The following NID1 variants were observed in gnomAD, a reference collection of about 807,000 sequenced individuals.
NID1 encodes nidogen-1.
NID1 carries 76 observed loss-of-function variants against 130.6 expected under a neutral mutation model. That is an observed-to-expected ratio of 0.58 (90% CI 0.48 to 0.70). The LOEUF (loss-of-function observed/expected upper bound fraction) is 0.70, where lower values mean the gene tolerates loss of function less well. Among genes scored for constraint, NID1 ranks in the 30% least tolerant of loss-of-function variants. The pLI is 0.00. For synonymous variants in NID1, 665 were observed against 675.1 expected (o/e 0.98, Z 0.23); for missense variants, 1,517 against 1,664.8 (o/e 0.91, Z 1.54).
chr1:236,020,563 G>T (rs998408207), intron 9 of NID1, among the ~76,000 whole-genome samples: 1 of 152,176 alleles, frequency 6.6e-6, no homozygotes, highest in Non-Finnish European at 1.5e-5. Flanking sequence ...TTACTGTGGA[G>T]AGTCACTGTG....
intron 15 of NID1, among the ~76,000 whole-genome samples, chr1:235,981,987 G>T (rs1449041052): frequency 6.6e-6 from 1 of 152,188 alleles, no homozygotes; most frequent in East Asian, 1.9e-4. Context: ...CACTCTGTGG[G>T]TATCCATCAT....
At chr1:236,040,699 T>A (rs1276315090) in intron 4 of NID1, among the ~76,000 whole-genome samples, 1 of 152,036 alleles carries the variant, frequency 6.6e-6, no homozygotes, top group East Asian at 1.9e-4. Context: ...GTCTTGCTCT[T>A]GCCAACCAGG....
rs142319263 is a variant in NID1 at position 235,996,235 on chromosome 1, G to C, written c.2528-2363C>G. 2.7e-3 allele frequency among the ~76,000 whole-genome samples: 408 copies of C among 152,238 alleles called. 14 individuals are homozygous for C. Among genetic ancestry groups the C allele is most frequent in the Admixed American group, 0.022 (341 of 15,282 alleles). ...GGGATGCACACAGGAATAACCCATA[G>C]CACCTGCTGTCAGGGAGCTCACAGT... On this transcript the variant is annotated intron_variant, in intron 12 of 19. Coordinates refer to ENST00000264187, the MANE Select transcript of NID1 (RefSeq NM_002508.3).
At chr1:236,031,105 C>CTTTTCTTT (rs751026919) in intron 6 of NID1, among the ~76,000 whole-genome samples, 13 of 151,956 alleles carry the variant, frequency 8.6e-5, no homozygotes, top group African/African-American at 2.4e-4. Context: ...AGGTTCAATC[C>CTTTTCTTT]TTTTCTTTTT....
chr1:235,976,429 T>C lies in NID1; in HGVS notation c.*1438A>G, dbSNP rs1476383895. On this transcript the variant is annotated 3_prime_UTR_variant, in exon 20 of 20. Transcript: ENST00000264187. The stretch of plus-strand genomic sequence containing the variant: ...GTTTTACTTATTGCTGTTCTTAAAT[T>C]CCTTCCCCTACCACTTCCTCTTGGG... 1.3e-5 allele frequency: 2 copies of C among 152,238 alleles called. No homozygotes were observed. Among genetic ancestry groups the C allele is most frequent in the African/African-American group, 4.8e-5 (2 of 41,460 alleles). 9.4% of individuals were successfully genotyped at this position (152,238 alleles called of 1,614,324 possible). A position where few individuals can be genotyped will look rare whatever the true frequency, so the allele number is the denominator to read the frequency against.
At chr1:236,017,101 T>C (rs775235992) in intron 10 of NID1, 47 bp downstream of exon 10, 2 of 1,612,686 alleles carry the variant, frequency 1.2e-6, no homozygotes. Flanking sequence ...TAAGAGCTAA[T>C]GCACACCATG....
At chr1:236,025,037 G>A (rs949102994) in intron 8 of NID1, among the ~76,000 whole-genome samples, 1 of 150,804 alleles carries the variant, frequency 6.6e-6, no homozygotes, top group African/African-American at 2.4e-5. Flanking sequence ...TGCAACCTCC[G>A]CCTCCCAGGT....
At position 236,024,105 on chromosome 1, in the gene NID1, G is replaced by A; in HGVS notation, c.2093C>T (p.Ser698Phe). 1 of 1,614,226 alleles carries A rather than the reference G, an allele frequency of 6.2e-7. No homozygotes were observed. Among genetic ancestry groups the A allele is most frequent in the Non-Finnish European group, 8.5e-7 (1 of 1,180,040 alleles). The change falls in exon 9 of 20, where the codon TCC (serine) becomes TTC (phenylalanine). Residue 698 changes from serine (S) to phenylalanine (F), a missense_variant. This residue lies in a region of NID1 where 1,329 missense variants were observed against 1,429.2 expected (regional missense o/e 0.93). Coordinates refer to ENST00000264187, the MANE Select transcript of NID1 (RefSeq NM_002508.3). Reference protein sequence around the residue: ...GPRTQFTCECSIGFRGDGRTC... With the variant: ...GPRTQFTCECFIGFRGDGRTC... ...TCGCCCGTCTCCTCGGAAGCCGATGGAGCACTCGCAGGTGAACTGTGTCCT... is the reference window on the plus strand; with the variant it reads ...TCGCCCGTCTCCTCGGAAGCCGATGAAGCACTCGCAGGTGAACTGTGTCCT...
At chr1:235,994,700 C>CCT (rs1657872375) in intron 12 of NID1, among the ~76,000 whole-genome samples, 3 of 142,126 alleles carry the variant, frequency 2.1e-5, no homozygotes, top group African/African-American at 5.3e-5. Context: ...TCTTCTTCTT[C>CCT]TTTTTTTTTT....
rs553253959 is a variant in NID1 at position 236,016,630 on chromosome 1, C to A, written c.2254+518G>T. On this transcript the variant is annotated intron_variant, in intron 10 of 19. Transcript: ENST00000264187. The stretch of plus-strand genomic sequence containing the variant: ...AGAGCATAATTAACCTAATTAATAG[C>A]CGCAACTTACTTCTATAAGGCTAAG... Among the ~76,000 whole-genome samples, 34 of 152,242 alleles carry A rather than the reference C, an allele frequency of 2.2e-4. No individual in the cohort carries two copies. In the East Asian group the frequency reaches 4.4e-3, roughly 20 times the overall value.
chr1:236,029,421 C>T, intron 7 of NID1, 129 bp downstream of exon 7: 2 of 848,540 alleles, frequency 2.4e-6, no homozygotes, highest in Non-Finnish European at 3.7e-6. Flanking sequence ...GGGAAGGTGA[C>T]TGTAAGGCCC....
chr1:236,025,337 C>T (rs1658895581), intron 8 of NID1, among the ~76,000 whole-genome samples: 1 of 150,264 alleles, frequency 6.7e-6, no homozygotes, highest in South Asian at 2.1e-4. Context: ...TCTCGGCTGA[C>T]TACAACCTCT....
intron 9 of NID1, among the ~76,000 whole-genome samples, chr1:236,021,086 A>T (rs1658745144): frequency 6.6e-6 from 1 of 152,176 alleles, no homozygotes; most frequent in African/African-American, 2.4e-5. Flanking sequence ...AGGCTTACGA[A>T]GTTGAAGCAG....
rs760658988 is a variant in NID1, at chr1:236,024,164, C to T, written c.2034G>A (p.Gly678=). Residue 678 remains glycine (G), a synonymous_variant, in exon 9 of 20, where the codon GGG becomes GGA. Transcript: ENST00000264187. ...GGCGACAGGCCGCGTTGGTGTCACACCCATGAGTGCCGATGTAGCAGGGAT... is the reference window on the plus strand; with the variant it reads ...GGCGACAGGCCGCGTTGGTGTCACATCCATGAGTGCCGATGTAGCAGGGAT... The part of the protein sequence containing the change: ...LQNPCYIGTH[G]CDTNAACRPG... The T allele has an allele frequency of 1.9e-6, 3 of 1,614,276 alleles. No homozygotes were observed. The highest frequency in any genetic ancestry group is 2.2e-5 in the South Asian group (2 of 91,088).
rs563524094 is a variant in NID1, at chr1:236,017,362, A to G, written c.2129-89T>C. 2.0e-5 allele frequency: 29 copies of G among 1,419,786 alleles called. No homozygotes were observed. The South Asian group carries it at 3.2e-4, about 16-fold the overall frequency. The allele number at this position is 1,419,786 out of a possible 1,614,324, so 87.9% of individuals were successfully genotyped here. On this transcript the variant is annotated intron_variant, in intron 9 of 19. Transcript: ENST00000264187. ...TAATAAAATAGCATTGTCACCTAAG[A>G]ATAGATCAATTTTAAAACAAAATTT...
intron 3 of NID1, 148 bp from the exon 4 acceptor site, chr1:236,042,440 A>T (rs1659482090): frequency 1.9e-6 from 2 of 1,040,512 alleles, no homozygotes. Context: ...ACTGGCCGTC[A>T]TGTCTGGGCG....
At chr1:236,031,934 G>A (rs998196257) in intron 6 of NID1, among the ~76,000 whole-genome samples, 1 of 152,210 alleles carries the variant, frequency 6.6e-6, no homozygotes, top group African/African-American at 2.4e-5. Flanking sequence ...TAACTAGCTA[G>A]AAATGGCAGG....
intron 8 of NID1, 24 bp downstream of exon 8, chr1:236,025,872 C>A: frequency 1.2e-6 from 2 of 1,608,162 alleles, no homozygotes; most frequent in South Asian, 2.2e-5. Flanking sequence ...GCACCTGTGC[C>A]CAGCATGAGC....
At chr1:235,981,555 T>A in intron 16 of NID1, 56 bp downstream of exon 16, 1 of 1,547,496 alleles carries the variant, frequency 6.5e-7, no homozygotes, top group Non-Finnish European at 8.8e-7. Flanking sequence ...TCTGAGAATC[T>A]CTAAAAGGGC....
Sources: allele counts gnomAD v4.1 joint callset (sites outside exome capture counted in the v4.1 genomes callset), GRCh38; gene constraint gnomAD v4.1.1; regional missense constraint gnomAD v4.1.1; transcripts MANE v1.5; gene names NCBI Gene and HGNC (gene_info 2026-07-23, HGNC 2026-07-21).